The following TUSC3 variants were observed in gnomAD, a reference collection of about 807,000 sequenced individuals.
TUSC3 encodes tumor suppressor candidate 3, also known as dolichyl-diphosphooligosaccharide--protein glycosyltransferase subunit TUSC3.
TUSC3 carries 45 observed loss-of-function variants against 44.8 expected under a neutral mutation model. That is an observed-to-expected ratio of 1.00 (90% CI 0.79 to 1.29). The LOEUF (loss-of-function observed/expected upper bound fraction) is 1.29, where lower values mean the gene tolerates loss of function less well. TUSC3 is among the 50% of genes most tolerant of loss of function. TUSC3 has a pLI of 0.00. For missense variants in TUSC3, 519 were observed against 437.9 expected (o/e 1.19, Z -1.65); for synonymous variants, 212 against 152.9 (o/e 1.39, Z -2.85).
Position 15,624,280 on chromosome 8 carries a change from G to A in TUSC3, c.308+1031G>A, listed in dbSNP as rs115016835. 7.1e-3 allele frequency among the ~76,000 whole-genome samples: 1,088 copies of A among 152,178 alleles called. 12 individuals carry two copies. The highest frequency in any genetic ancestry group is 0.025 in the African/African-American group (1,034 of 41,522). ...GCTATTGCAAATAAATGTGGTATGAGCATTTTTCTGCAGGTTTTTATGTGA... is the reference window on the plus strand; with the variant it reads ...GCTATTGCAAATAAATGTGGTATGAACATTTTTCTGCAGGTTTTTATGTGA... On this transcript the variant is annotated intron_variant, in intron 2 of 10. Coordinates refer to ENST00000503731, the MANE Select transcript of TUSC3 (RefSeq NM_006765.4).
rs1384757944 is a variant in TUSC3, at chr8:15,555,162, T to TGG, written c.138+14600_138+14601dup. Among the ~76,000 whole-genome samples, 56 of 63,462 alleles carry TGG rather than the reference T, an allele frequency of 8.8e-4. 1 individual carries two copies. The highest frequency in any genetic ancestry group is 8.2e-3 in the Middle Eastern group (1 of 122). 41.6% of individuals were successfully genotyped at this position (63,462 alleles called of 152,430 possible). A position where few individuals can be genotyped will look rare whatever the true frequency, so the allele number is the denominator to read the frequency against. ...GTCTTTTTTTTTTTTTTTTTTTTTT[T>TGG]GGGGGGGACGAGATCTTACTCTGTT... On this transcript the variant is annotated intron_variant, in intron 1 of 10. Coordinates refer to ENST00000503731, the MANE Select transcript of TUSC3 (RefSeq NM_006765.4).
the TUSC3 span, among the ~76,000 whole-genome samples, chr8:15,775,619 TA>T: frequency 7.8e-6 from 1 of 128,870 alleles, no homozygotes; most frequent in African/African-American, 3.0e-5. Context: ...TATGTACATA[TA>T]TATATACAGA....
chr8:15,675,412 CT>C (rs5889591), intron 6 of TUSC3, among the ~76,000 whole-genome samples: 45,527 of 149,862 alleles, frequency 0.3, 7,166 homozygotes, highest in African/African-American at 0.37. Flanking sequence ...ATATTGTATT[CT>C]TTTTTTTTGG....
intron 1 of TUSC3, among the ~76,000 whole-genome samples, chr8:15,619,397 C>G (rs192481374): frequency 1.1e-4 from 16 of 152,276 alleles, no homozygotes; most frequent in Admixed American, 9.8e-4. Context: ...TCTGCTCTTC[C>G]TCGTTTACCC....
At chr8:15,704,489 A>G (rs1408405982) in intron 6 of TUSC3, among the ~76,000 whole-genome samples, 1 of 152,068 alleles carries the variant, frequency 6.6e-6, no homozygotes, top group Non-Finnish European at 1.5e-5. Flanking sequence ...GAGTGAGATA[A>G]TCTGACATTT....
chr8:15,469,994 G>A lies in TUSC3; in HGVS notation n.92-13392G>A, dbSNP rs186557587. ...GTGGAGGCTGGGTGAGGTGGCTTAC[G>A]CCTGTAATCCCAGTACTTTGGAAGG... On this transcript the variant is annotated intron_variant and non_coding_transcript_variant, in intron 1 of 5. Transcript: ENST00000503191. Among the ~76,000 whole-genome samples the A allele has an allele frequency of 4.6e-3, 703 of 152,150 alleles. 5 individuals are homozygous for A. The highest frequency in any genetic ancestry group is 6.9e-3 in the Non-Finnish European group (471 of 67,998).
intron 2 of TUSC3, among the ~76,000 whole-genome samples, chr8:15,520,618 T>C (rs2129129317): frequency 6.6e-6 from 1 of 152,346 alleles, no homozygotes; most frequent in East Asian, 1.9e-4. Flanking sequence ...TGCATGTACC[T>C]GGAAATACAG....
intron 1 of TUSC3, among the ~76,000 whole-genome samples, chr8:15,555,162 T>TTGG (rs1563287211): frequency 4.7e-5 from 3 of 63,420 alleles, no homozygotes; most frequent in Non-Finnish European, 6.9e-5. Context: ...TTTTTTTTTT[T>TTGG]GGGGGGGACG....
the TUSC3 span, among the ~76,000 whole-genome samples, chr8:15,805,224 T>A: frequency 6.6e-6 from 1 of 152,054 alleles, no homozygotes; most frequent in Non-Finnish European, 1.5e-5. Context: ...GATCCAGGAG[T>A]CTTTCGGTGG....
intron 1 of TUSC3, among the ~76,000 whole-genome samples, chr8:15,429,028 A>T (rs1248702992): frequency 6.6e-6 from 1 of 152,160 alleles, no homozygotes. Context: ...GGTGTTGTAG[A>T]CATGAAGTCC....
At chr8:15,642,367 G>A (rs577866512) in intron 2 of TUSC3, among the ~76,000 whole-genome samples, 12 of 152,200 alleles carry the variant, frequency 7.9e-5, no homozygotes, top group African/African-American at 2.6e-4. Context: ...TTAAAAATAA[G>A]TTTGATGAGA....
Position 15,472,175 on chromosome 8 carries a change from A to G in TUSC3, n.92-11211A>G, listed in dbSNP as rs575029945. On this transcript the variant is annotated intron_variant and non_coding_transcript_variant, in intron 1 of 5. Transcript: ENST00000503191. ...CCTGGAATTGACCTGTTTCAAATATATAGAGAAAGTAAAATACAAGTCTTA... is the reference window on the plus strand; with the variant it reads ...CCTGGAATTGACCTGTTTCAAATATGTAGAGAAAGTAAAATACAAGTCTTA... Among the ~76,000 whole-genome samples the G allele has an allele frequency of 7.2e-5, 11 of 152,346 alleles. No homozygotes were observed. The South Asian group carries it at 2.1e-3, about 29-fold the overall frequency.
intron 6 of TUSC3, among the ~76,000 whole-genome samples, chr8:15,698,586 AC>A (rs955738370): frequency 2.6e-5 from 4 of 152,106 alleles, no homozygotes; most frequent in African/African-American, 9.7e-5. Context: ...TCTCTACAGC[AC>A]CTAAATTGTT....
chr8:15,694,934 G>A (rs541091929), intron 6 of TUSC3, among the ~76,000 whole-genome samples: 2 of 152,204 alleles, frequency 1.3e-5, no homozygotes, highest in Non-Finnish European at 2.9e-5. Flanking sequence ...CAGGGTGCAT[G>A]CTCGTTGCCC....
intron 6 of TUSC3, among the ~76,000 whole-genome samples, chr8:15,715,599 T>C (rs1371347781): frequency 1.3e-5 from 2 of 152,118 alleles, no homozygotes; most frequent in Non-Finnish European, 2.9e-5. Context: ...GAATTTTCCA[T>C]TGAATATTTT....
chr8:15,423,975 T>TTTTG (rs1563247167), intron 1 of TUSC3, among the ~76,000 whole-genome samples: 2,172 of 19,924 alleles, frequency 0.11, 188 homozygotes, highest in Non-Finnish European at 0.15. Flanking sequence ...CTTTGTTTTT[T>TTTTG]TTTTTTTTTT....
At chr8:15,663,169 AAAAT>A (rs1260207428) in intron 5 of TUSC3, among the ~76,000 whole-genome samples, 1 of 151,880 alleles carries the variant, frequency 6.6e-6, no homozygotes, top group African/African-American at 2.4e-5. Context: ...AAGGTACTTA[AAAAT>A]AAATCTAACA....
chr8:15,835,119 T>C, the TUSC3 span, among the ~76,000 whole-genome samples: 1 of 152,234 alleles, frequency 6.6e-6, no homozygotes, highest in South Asian at 2.1e-4. Flanking sequence ...CAGTAACTTT[T>C]AATTTTTCTT....
intron 2 of TUSC3, among the ~76,000 whole-genome samples, chr8:15,505,147 A>G (rs947817539): frequency 5.3e-5 from 8 of 152,358 alleles, no homozygotes; most frequent in Non-Finnish European, 8.8e-5. Context: ...TCTGTCATCC[A>G]TATGAGAACT....
Sources: allele counts gnomAD v4.1 joint callset (sites outside exome capture counted in the v4.1 genomes callset), GRCh38; gene constraint gnomAD v4.1.1; transcripts MANE v1.5; gene names NCBI Gene and HGNC (gene_info 2026-07-23, HGNC 2026-07-21).